The following SPAG16 variants were observed in gnomAD, a reference collection of about 807,000 sequenced individuals.
The protein encoded by SPAG16 is sperm associated antigen 16.
SPAG16 carries 86 observed loss-of-function variants against 80.4 expected under a neutral mutation model. The ratio of observed to expected loss-of-function variants is 1.07; its 90% CI spans 0.90 to 1.28. The LOEUF (loss-of-function observed/expected upper bound fraction) is 1.28. SPAG16 is among the 50% of genes most tolerant of loss of function. The pLI is 0.00. For missense variants in SPAG16, 870 were observed against 765.3 expected, an observed-to-expected ratio of 1.14 and a Z score of -1.61; for synonymous variants, 294 against 265.9, an observed-to-expected ratio of 1.11 and a Z score of -1.03.
chr2:214,281,041 G>A (rs10490503), intron 15 of SPAG16: 131,293 of 392,226 alleles, frequency 0.33, 22,979 homozygotes, highest in East Asian at 0.5. Flanking sequence ...CAGGGCGCCA[G>A]AAACTTTATT....
chr2:213,404,197 G>GA (rs2068484362), intron 9 of SPAG16, among the ~76,000 whole-genome samples: 1 of 152,152 alleles, frequency 6.6e-6, no homozygotes, highest in African/African-American at 2.4e-5. Context: ...CACAGAATTG[G>GA]AAAAAACTAC....
At chr2:213,725,702 T>C (rs751525941) in intron 10 of SPAG16, among the ~76,000 whole-genome samples, 2 of 152,106 alleles carry the variant, frequency 1.3e-5, no homozygotes, top group Non-Finnish European at 2.9e-5. Flanking sequence ...AATGAGGGGA[T>C]GGAGTTAATG....
At chr2:213,311,436 A>G (rs1329142597) in intron 4 of SPAG16, among the ~76,000 whole-genome samples, 1 of 151,608 alleles carries the variant, frequency 6.6e-6, no homozygotes, top group Non-Finnish European at 1.5e-5. Context: ...TTTTCTTAGA[A>G]TAATCTGGAT....
intron 10 of SPAG16, among the ~76,000 whole-genome samples, chr2:213,517,371 A>T (rs973956747): frequency 6.6e-6 from 1 of 152,236 alleles, no homozygotes; most frequent in African/African-American, 2.4e-5. Flanking sequence ...CATTGTTAAA[A>T]TGACCATACT....
intron 10 of SPAG16, among the ~76,000 whole-genome samples, chr2:213,718,754 C>A (rs1355084003): frequency 6.6e-6 from 1 of 152,206 alleles, no homozygotes; most frequent in African/African-American, 2.4e-5. Context: ...ACCTGCAGCC[C>A]GCCATGCCTG....
At chr2:214,071,710 T>C (rs1057393503) in intron 13 of SPAG16, among the ~76,000 whole-genome samples, 1 of 152,134 alleles carries the variant, frequency 6.6e-6, no homozygotes, top group Admixed American at 6.6e-5. Context: ...ATTGCTGAAA[T>C]ACACTACAAT....
chr2:213,476,664 C>A (rs1206234485), intron 9 of SPAG16, among the ~76,000 whole-genome samples: 1 of 152,178 alleles, frequency 6.6e-6, no homozygotes, highest in African/African-American at 2.4e-5. Context: ...TTTTTGCTCG[C>A]ATAGTTTGGT....
intron 10 of SPAG16, among the ~76,000 whole-genome samples, chr2:213,724,297 G>A (rs555654494): frequency 1.3e-5 from 2 of 152,132 alleles, no homozygotes; most frequent in East Asian, 3.9e-4. Context: ...ACAATGGGGA[G>A]GAAGGAGTAA....
chr2:213,903,124 C>T (rs1028932860), intron 11 of SPAG16, among the ~76,000 whole-genome samples: 5 of 152,072 alleles, frequency 3.3e-5, no homozygotes, highest in African/African-American at 1.2e-4. Context: ...ATGGTTTTTC[C>T]AGGGGCACAG....
chr2:213,513,096 C>G (rs1185591350), intron 10 of SPAG16, among the ~76,000 whole-genome samples: 1 of 152,190 alleles, frequency 6.6e-6, no homozygotes, highest in Non-Finnish European at 1.5e-5. Context: ...CTATGATCCT[C>G]TTTTCCACTG....
chr2:213,971,391 A>G (rs1301927981), intron 12 of SPAG16, among the ~76,000 whole-genome samples: 1 of 152,144 alleles, frequency 6.6e-6, no homozygotes, highest in Non-Finnish European at 1.5e-5. Flanking sequence ...AAACTGAACT[A>G]TACAAGTTTT....
At chr2:213,431,245 A>C (rs1220829413) in intron 9 of SPAG16, among the ~76,000 whole-genome samples, 1 of 152,150 alleles carries the variant, frequency 6.6e-6, no homozygotes, top group East Asian at 1.9e-4. Context: ...AAGAATCTAC[A>C]AAACAACTAG....
intron 15 of SPAG16, chr2:214,280,982 A>G (rs1692884890): frequency 2.2e-6 from 1 of 449,808 alleles, no homozygotes; most frequent in Admixed American, 2.6e-5. Flanking sequence ...CATAACCGGG[A>G]ATCGTTTGGT....
intron 10 of SPAG16, among the ~76,000 whole-genome samples, chr2:213,734,899 C>T (rs992877656): frequency 1.3e-5 from 2 of 152,030 alleles, no homozygotes; most frequent in African/African-American, 4.8e-5. Context: ...AATTGTTAAT[C>T]TCCATCGCCT....
intron 13 of SPAG16, among the ~76,000 whole-genome samples, chr2:214,065,084 T>C (rs2050469564): frequency 6.6e-6 from 1 of 152,094 alleles, no homozygotes; most frequent in Non-Finnish European, 1.5e-5. Context: ...ATATAAATAT[T>C]ATCTCAGTTT....
intron 10 of SPAG16, among the ~76,000 whole-genome samples, chr2:213,532,171 C>A (rs1353543184): frequency 3.9e-5 from 6 of 152,110 alleles, no homozygotes; most frequent in Admixed American, 3.9e-4. Flanking sequence ...AAAACAAAAT[C>A]TTATAAATTA....
intron 10 of SPAG16, among the ~76,000 whole-genome samples, chr2:213,688,716 C>CAGG (rs2064803657): frequency 6.6e-6 from 1 of 152,056 alleles, no homozygotes; most frequent in African/African-American, 2.4e-5. Flanking sequence ...TTAAGTATTC[C>CAGG]ACAGTTTATG....
intron 15 of SPAG16, among the ~76,000 whole-genome samples, chr2:214,336,048 C>T (rs4673819): frequency 0.68 from 102,614 of 152,016 alleles, 39,323 homozygotes; most frequent in South Asian, 0.85. Context: ...TGAGCCACCA[C>T]GCCCAAGCCT....
chr2:214,167,291 A>G (rs2056693946), intron 15 of SPAG16, among the ~76,000 whole-genome samples: 1 of 152,028 alleles, frequency 6.6e-6, no homozygotes, highest in African/African-American at 2.4e-5. Context: ...AAAACTTGTC[A>G]TCTAGTCACA....
Sources: allele counts gnomAD v4.1 joint callset (sites outside exome capture counted in the v4.1 genomes callset), GRCh38; gene constraint gnomAD v4.1.1; transcripts MANE v1.5; gene names NCBI Gene and HGNC (gene_info 2026-07-23, HGNC 2026-07-21).